The following NFATC2 variants were observed in gnomAD, a reference collection of about 807,000 sequenced individuals.
NFATC2 encodes nuclear factor of activated T-cells, cytoplasmic 2.
NFATC2 carries 22 observed loss-of-function variants against 87.3 expected under a neutral mutation model. The ratio of observed to expected loss-of-function variants is 0.25; its 90% CI spans 0.18 to 0.36. The LOEUF (loss-of-function observed/expected upper bound fraction) is 0.36, where lower values mean the gene tolerates loss of function less well. Ranked by LOEUF, NFATC2 falls within the 10% of genes least tolerant of loss-of-function variation. NFATC2 has a pLI of 1.00. For synonymous variants in NFATC2, 565 were observed against 542.2 expected (o/e 1.04, Z -0.58); for missense variants, 1,149 against 1,259.1 (o/e 0.91, Z 1.32).
chr20:51,510,422 T>C (rs2146668490), intron 3 of NFATC2, among the ~76,000 whole-genome samples: 1 of 152,350 alleles, frequency 6.6e-6, no homozygotes, highest in South Asian at 2.1e-4. Context: ...GGAGGACCAC[T>C]GCATCCTGTC....
At chr20:51,546,294 T>C (rs2146820757), upstream of NFATC2, among the ~76,000 whole-genome samples, 1 of 152,170 alleles carries the variant, frequency 6.6e-6, no homozygotes, top group South Asian at 2.1e-4. Flanking sequence ...CATAAAAGAG[T>C]TTCTGCTGGA....
At chr20:51,526,481 T>C (rs1035508447) in intron 1 of NFATC2, among the ~76,000 whole-genome samples, 1 of 152,130 alleles carries the variant, frequency 6.6e-6, no homozygotes, top group East Asian at 1.9e-4. Flanking sequence ...GTTGGGCCCG[T>C]GTCACTGTGG....
chr20:51,488,847 C>G (rs935270026), intron 3 of NFATC2, among the ~76,000 whole-genome samples: 1 of 152,148 alleles, frequency 6.6e-6, no homozygotes, highest in African/African-American at 2.4e-5. Flanking sequence ...AAATGAGATC[C>G]TATCACTTCC....
At chr20:51,495,884 C>T (rs1391380141) in intron 3 of NFATC2, among the ~76,000 whole-genome samples, 1 of 152,164 alleles carries the variant, frequency 6.6e-6, no homozygotes, top group East Asian at 1.9e-4. Flanking sequence ...AGAGCGGACT[C>T]CCATTTTTCC....
intron 3 of NFATC2, among the ~76,000 whole-genome samples, chr20:51,506,393 T>C (rs953495092): frequency 6.6e-6 from 1 of 152,122 alleles, no homozygotes; most frequent in Non-Finnish European, 1.5e-5. Context: ...CCCATAGTCT[T>C]CTAGGAGGTT....
intron 3 of NFATC2, among the ~76,000 whole-genome samples, chr20:51,508,980 C>T (rs887122516): frequency 6.6e-6 from 1 of 152,126 alleles, no homozygotes; most frequent in African/African-American, 2.4e-5. Context: ...CGCTCAGAGT[C>T]CAAGTCCTCT....
chr20:51,469,296 C>T lies in NFATC2; in HGVS notation c.1708+4684G>A, dbSNP rs140526849. ...CCTCTCAAAGCACTGAGATTATAGA[C>T]GTGAGCCACCGAGCTTGGCTGGGCA... is the stretch of plus-strand genomic sequence containing the variant. On this transcript the variant is annotated intron_variant, in intron 5 of 10. Coordinates refer to ENST00000371564, the MANE Select transcript of NFATC2 (RefSeq NM_012340.5). 1.9e-3 allele frequency among the ~76,000 whole-genome samples: 283 copies of T among 152,302 alleles called. 1 individual carries two copies. The highest frequency in any genetic ancestry group is 6.4e-3 in the African/African-American group (264 of 41,564).
Position 51,523,907 on chromosome 20 carries a change from G to A in NFATC2, c.334C>T (p.Arg112Trp). Residue 112 changes from arginine (R) to tryptophan (W), a missense_variant, in exon 2 of 11, where the codon CGG becomes TGG. Arg to Trp is a moderately radical substitution (Grantham distance 101). Around this residue, in one of 3 missense-constraint regions of NFATC2, gnomAD observed 563 missense variants for 585.2 expected, o/e 0.96. Coordinates refer to ENST00000371564, the MANE Select transcript of NFATC2 (RefSeq NM_012340.5). The surrounding 1 kb of genome is among the most constrained non-coding windows in gnomAD (Gnocchi z 6.9). Reference protein sequence around the residue: ...KPAGASGLSPRIEITPSHELI... With the variant: ...KPAGASGLSPWIEITPSHELI... ...TCGTGGGACGGAGTGATCTCGATCC[G>A]AGGGCTCAGGCCCGAGGCCCCTGCT... is the stretch of plus-strand genomic sequence containing the variant. 3.7e-6 allele frequency: 6 copies of A among 1,606,500 alleles called. No individual in the cohort carries two copies. The highest frequency in any genetic ancestry group is 5.1e-6 in the Non-Finnish European group (6 of 1,177,740).
rs1982947470 is a variant in NFATC2, at chr20:51,432,702, C to T, written c.2087G>A (p.Ser696Asn). Residue 696 changes from serine to asparagine, a missense_variant, in exon 9 of 11, where the codon AGC (serine) becomes AAC (asparagine). Transcript: ENST00000371564. The surrounding 1 kb of genome is among the most constrained non-coding windows in gnomAD (Gnocchi z 4.6). ...TDEYDPTLICSPTHGGLGSQP... is the reference protein window; with the variant it reads ...TDEYDPTLICNPTHGGLGSQP... Reference sequence around the variant, plus strand: ...GCTCCCCAGGCCTCCATGGGTGGGGCTGCAGATCAGAGTGGGGTCATATTC... The same window carrying T: ...GCTCCCCAGGCCTCCATGGGTGGGGTTGCAGATCAGAGTGGGGTCATATTC... The T allele has an allele frequency of 1.3e-6, 2 of 1,584,564 alleles. No individual in the cohort carries two copies. Among genetic ancestry groups the T allele is most frequent in the Non-Finnish European group, 1.7e-6 (2 of 1,172,622 alleles).
Position 51,401,335 on chromosome 20 carries a change from C to CA in NFATC2, c.2723-2606dup, listed in dbSNP as rs111796730. On this transcript the variant is annotated intron_variant, in intron 9 of 10. Coordinates refer to ENST00000371564, the MANE Select transcript of NFATC2 (RefSeq NM_012340.5). ...CCTAGGCAACAGAGCAAGACTGTCT[C>CA]AAAAAAATAAAAATAAATGAGATGC... Among the ~76,000 whole-genome samples, 1,137 of 148,206 alleles carry CA rather than the reference C, an allele frequency of 7.7e-3. 8 individuals are homozygous for CA. Among genetic ancestry groups the CA allele is most frequent in the Admixed American group, 0.011 (158 of 14,936 alleles).
Position 51,408,511 on chromosome 20 carries a change from T to TAAAA in NFATC2, c.2723-9782_2723-9781insTTTT, listed in dbSNP as rs376694540. On this transcript the variant is annotated intron_variant, in intron 9 of 10. Coordinates refer to ENST00000371564, the MANE Select transcript of NFATC2 (RefSeq NM_012340.5). ...CCTGGGGGACTGAGCAAGACTCTTT[T>TAAAA]TAAAAAAAAAAAAAAAAAAAGCCAG... Among the ~76,000 whole-genome samples the TAAAA allele has an allele frequency of 1.3e-4, 16 of 125,312 alleles. 2 individuals are homozygous for TAAAA. Among genetic ancestry groups the TAAAA allele is most frequent in the East Asian group, 2.2e-4 (1 of 4,502 alleles). The allele number at this position is 125,312 out of a possible 152,430, so 82.2% of individuals were successfully genotyped here. A position where few individuals can be genotyped will look rare whatever the true frequency, so the allele number is the denominator to read the frequency against.
intron 1 of NFATC2, among the ~76,000 whole-genome samples, chr20:51,552,813 T>C (rs2076945288): frequency 6.6e-6 from 1 of 152,160 alleles, no homozygotes; most frequent in Admixed American, 6.5e-5. Flanking sequence ...TTTTTATTTT[T>C]TTTAATTATA....
At chr20:51,477,117 C>A (rs954466491) in intron 3 of NFATC2, among the ~76,000 whole-genome samples, 1 of 152,058 alleles carries the variant, frequency 6.6e-6, no homozygotes, top group Non-Finnish European at 1.5e-5. Flanking sequence ...GAATAATGAA[C>A]AATGAGTTAC....
chr20:51,517,592 CAAA>C (rs542579510), intron 2 of NFATC2, among the ~76,000 whole-genome samples: 2 of 136,072 alleles, frequency 1.5e-5, no homozygotes, highest in Non-Finnish European at 1.6e-5. Context: ...GACCCTGTCT[CAAA>C]AAAAAAAAAG....
chr20:51,534,106 T>A (rs2146770990), intron 1 of NFATC2, among the ~76,000 whole-genome samples: 1 of 152,300 alleles, frequency 6.6e-6, no homozygotes. Flanking sequence ...CTCTGCAGTT[T>A]ACATAAACCC....
chr20:51,433,237 T>A (rs1244038533), intron 8 of NFATC2, among the ~76,000 whole-genome samples: 2 of 152,220 alleles, frequency 1.3e-5, no homozygotes, highest in Non-Finnish European at 2.9e-5. Flanking sequence ...AGAGGACTTT[T>A]GTCTGGTTTT....
rs6063660 is a variant in NFATC2, at chr20:51,503,509, C to G, written c.1332+13275G>C. Among the ~76,000 whole-genome samples the G allele has an allele frequency of 4.7e-3, 722 of 152,318 alleles. 3 individuals are homozygous for G. Among genetic ancestry groups the G allele is most frequent in the South Asian group, 0.019 (91 of 4,826 alleles). The stretch of plus-strand genomic sequence containing the variant: ...CCATCTCAATGTACCACCATTTGCA[C>G]TGGGAGCTCATCCTCCTGGAGGAGG... On this transcript the variant is annotated intron_variant, in intron 3 of 10. Transcript: ENST00000371564.
At position 51,391,474 on chromosome 20, in the gene NFATC2, G is replaced by GT. The variant is rs577989142; in HGVS notation, c.*45-24_*45-23insA. 298 of 1,585,128 alleles carry GT rather than the reference G, an allele frequency of 1.9e-4. 5 individuals are homozygous for GT. The highest frequency in any genetic ancestry group is 1.4e-3 in the Middle Eastern group (7 of 5,074). Reference sequence around the variant, plus strand: ...TAACTACAAAAGAAAAGAGGAGGGGGGGGGAGAGAGAATGGGGCAAGTGAG... The same window carrying GT: ...TAACTACAAAAGAAAAGAGGAGGGGGTGGGGAGAGAGAATGGGGCAAGTGAG... On this transcript the variant is annotated intron_variant, in intron 10 of 10. Transcript: ENST00000371564.
At chr20:51,503,797 A>C (rs2076131103) in intron 3 of NFATC2, among the ~76,000 whole-genome samples, 1 of 152,230 alleles carries the variant, frequency 6.6e-6, no homozygotes, top group Non-Finnish European at 1.5e-5. Flanking sequence ...AAAAGCCTGA[A>C]CAACCTGATG....
Sources: gnomAD v4.1 joint callset for allele counts (sites outside exome capture counted in the v4.1 genomes callset) on GRCh38, gnomAD v4.1.1 for gene constraint, gnomAD v4.1.1 regional missense constraint, Gnocchi (gnomAD v3.1) non-coding constraint, MANE v1.5 for transcripts, NCBI Gene and HGNC (gene_info 2026-07-23, HGNC 2026-07-21) for gene names.